FAM110B: variants seen among roughly 807,000 people sequenced by gnomAD.
FAM110B encodes protein FAM110B.
In FAM110B, 6 loss-of-function variants were observed where a neutral mutation model predicts 20.4. The observed-to-expected ratio is 0.29, with a 90% CI of 0.16 to 0.58. The LOEUF is 0.58. Ranked by LOEUF, FAM110B falls within the 20% of genes least tolerant of loss-of-function variation. The pLI is 0.90. For synonymous variants in FAM110B, 226 were observed against 214.1 expected, an observed-to-expected ratio of 1.06 and a Z score of -0.49; for missense variants, 434 against 498.2, an observed-to-expected ratio of 0.87 and a Z score of 1.23.
intron 3 of FAM110B, among the ~76,000 whole-genome samples, chr8:58,079,271 T>A (rs2150595820): frequency 6.6e-6 from 1 of 152,260 alleles, no homozygotes; most frequent in Admixed American, 6.5e-5. Context: ...TCTGCTTTTT[T>A]AAAAAGAGGA....
chr8:58,057,629 A>G (rs1805573869), intron 2 of FAM110B, among the ~76,000 whole-genome samples: 1 of 152,150 alleles, frequency 6.6e-6, no homozygotes, highest in South Asian at 2.1e-4. Context: ...CAGTTCAGAA[A>G]TAGTCATGTG....
At chr8:58,063,032 A>G (rs114947520) in intron 2 of FAM110B, among the ~76,000 whole-genome samples, 156 of 152,248 alleles carry the variant, frequency 1.0e-3, no homozygotes, top group African/African-American at 3.6e-3. Context: ...GGTTTGACTG[A>G]TGGCTGGGAA....
rs1432168631 is a variant in FAM110B at position 58,148,764 on chromosome 8, T to A, written c.*1421T>A. On this transcript the variant is annotated 3_prime_UTR_variant, in exon 4 of 4. Coordinates refer to ENST00000519262, the MANE Select transcript of FAM110B (RefSeq NM_001377989.1). Reference sequence around the variant, plus strand: ...AGAAAAAAAGAAAAAGTTACGCTAATAAATTGCTGTGGTGCAGGCACTAAT... The same window carrying A: ...AGAAAAAAAGAAAAAGTTACGCTAAAAAATTGCTGTGGTGCAGGCACTAAT... 1 of 167,152 alleles carries A rather than the reference T, an allele frequency of 6.0e-6. No homozygotes were observed. The highest frequency in any genetic ancestry group is 1.5e-5 in the Non-Finnish European group (1 of 68,136). 10.4% of individuals were successfully genotyped at this position (167,152 alleles called of 1,614,324 possible). A position where few individuals can be genotyped will look rare whatever the true frequency, so the allele number is the denominator to read the frequency against.
intron 3 of FAM110B, among the ~76,000 whole-genome samples, chr8:58,110,352 T>A (rs1314373065): frequency 4.6e-5 from 7 of 152,176 alleles, no homozygotes; most frequent in South Asian, 2.1e-4. Flanking sequence ...TTACTTAGGA[T>A]GTTATTCTGC....
intron 1 of FAM110B, among the ~76,000 whole-genome samples, chr8:58,030,403 T>G (rs979161484): frequency 6.6e-5 from 10 of 152,214 alleles, no homozygotes; most frequent in African/African-American, 2.2e-4. Flanking sequence ...TTAGTTGTTA[T>G]TTAAATGGGC....
intron 1 of FAM110B, among the ~76,000 whole-genome samples, chr8:58,025,156 CT>C (rs1804829155): frequency 6.6e-6 from 1 of 152,202 alleles, no homozygotes; most frequent in Admixed American, 6.5e-5. Flanking sequence ...CGAGATACAG[CT>C]ATAACTAACC....
intron 1 of FAM110B, among the ~76,000 whole-genome samples, chr8:58,002,221 C>A (rs1804312611): frequency 6.6e-6 from 1 of 152,176 alleles, no homozygotes; most frequent in African/African-American, 2.4e-5. Context: ...TAATGTTTAA[C>A]AAGATATCTG....
intron 3 of FAM110B, among the ~76,000 whole-genome samples, chr8:58,114,277 A>G (rs1232298518): frequency 6.6e-6 from 1 of 152,194 alleles, no homozygotes; most frequent in African/African-American, 2.4e-5. Flanking sequence ...CACAGTTGCT[A>G]TTCCTCGATA....
intron 3 of FAM110B, chr8:58,091,629 A>G (rs2150603806): frequency 6.6e-6 from 1 of 152,302 alleles, no homozygotes; most frequent in Non-Finnish European, 1.5e-5. Context: ...GGCAGACTGA[A>G]GAAGAGAAAA....
intron 3 of FAM110B, among the ~76,000 whole-genome samples, chr8:58,124,234 T>C (rs1807436227): frequency 6.6e-6 from 1 of 152,222 alleles, no homozygotes; most frequent in Admixed American, 6.5e-5. Flanking sequence ...GTTGGGTTAC[T>C]CAGTCAGCCC....
At chr8:58,016,720 C>G (rs561240404) in intron 1 of FAM110B, among the ~76,000 whole-genome samples, 1 of 152,266 alleles carries the variant, frequency 6.6e-6, no homozygotes, top group Admixed American at 6.5e-5. Flanking sequence ...TCTGTGCCCT[C>G]CAGGAGCTCA....
At chr8:58,090,179 A>G (rs942138018) in intron 3 of FAM110B, among the ~76,000 whole-genome samples, 1 of 152,172 alleles carries the variant, frequency 6.6e-6, no homozygotes, top group African/African-American at 2.4e-5. Context: ...AGGGGGGCGG[A>G]GACAAAGTCT....
chr8:58,084,565 T>G (rs1335567889), intron 3 of FAM110B, among the ~76,000 whole-genome samples: 1 of 152,060 alleles, frequency 6.6e-6, no homozygotes, highest in African/African-American at 2.4e-5. Context: ...AATTTTTGTA[T>G]TTTTAGTAGA....
At chr8:58,019,719 A>G (rs1804711946) in intron 1 of FAM110B, among the ~76,000 whole-genome samples, 1 of 151,962 alleles carries the variant, frequency 6.6e-6, no homozygotes, top group Non-Finnish European at 1.5e-5. Flanking sequence ...TATCATTATT[A>G]TCTTTGTTAC....
chr8:58,039,061 A>G (rs894786755), intron 2 of FAM110B, among the ~76,000 whole-genome samples: 9 of 152,212 alleles, frequency 5.9e-5, no homozygotes, highest in African/African-American at 2.2e-4. Flanking sequence ...CTGAGCCTGC[A>G]AGATTTGTGT....
At chr8:58,124,879 G>A (rs868670509) in intron 3 of FAM110B, among the ~76,000 whole-genome samples, 1 of 152,166 alleles carries the variant, frequency 6.6e-6, no homozygotes, top group Non-Finnish European at 1.5e-5. Context: ...AAAGAAAAAT[G>A]ATTCTTTTTA....
At chr8:58,131,983 T>C (rs1803483313) in intron 3 of FAM110B, among the ~76,000 whole-genome samples, 2 of 152,232 alleles carry the variant, frequency 1.3e-5, no homozygotes, top group South Asian at 4.1e-4. Flanking sequence ...AGCTGATTTT[T>C]ATCTAATCAG....
chr8:58,092,482 G>A (rs992758271), intron 3 of FAM110B, among the ~76,000 whole-genome samples: 1 of 152,124 alleles, frequency 6.6e-6, no homozygotes. Context: ...ACTTCTAAGC[G>A]AGAACATGCG....
intron 2 of FAM110B, among the ~76,000 whole-genome samples, chr8:58,042,961 C>T (rs889748053): frequency 1.3e-5 from 2 of 152,224 alleles, no homozygotes; most frequent in Non-Finnish European, 2.9e-5. Flanking sequence ...CCTTCTCTCT[C>T]ATAGCACCAG....
Sources: gnomAD v4.1 joint callset for allele counts (sites outside exome capture counted in the v4.1 genomes callset) on GRCh38, gnomAD v4.1.1 for gene constraint, MANE v1.5 for transcripts, NCBI Gene and HGNC (gene_info 2026-07-23, HGNC 2026-07-21) for gene names.